DYNC1H1: variants seen among roughly 807,000 people sequenced by gnomAD.
DYNC1H1 encodes the protein cytoplasmic dynein 1 heavy chain 1.
DYNC1H1 carries 51 observed loss-of-function variants against 527.1 expected under a neutral mutation model. The observed-to-expected ratio is 0.10, with a 90% CI of 0.08 to 0.12. The LOEUF is 0.12. Among genes scored for constraint, DYNC1H1 ranks in the 10% least tolerant of loss-of-function variants. The pLI is 1.00. For missense variants in DYNC1H1, 2,771 were observed against 5,971.8 expected (o/e 0.46, Z 17.66); for synonymous variants, 2,189 against 2,278.8 (o/e 0.96, Z 1.12).
rs772237118 is a variant in DYNC1H1 at position 102,010,735 on chromosome 14, C to G, written c.6406-5C>G. Reference sequence around the variant, plus strand: ...GCTGCTCACAGCCCAGCCCTCTCCCCGTAGATTCTGATACAGAGCGTCTGT... The same window carrying G: ...GCTGCTCACAGCCCAGCCCTCTCCCGGTAGATTCTGATACAGAGCGTCTGT... On this transcript the variant is annotated splice_polypyrimidine_tract_variant and splice_region_variant and intron_variant, in intron 31 of 77. Coordinates refer to ENST00000360184, the MANE Select transcript of DYNC1H1 (RefSeq NM_001376.5). The surrounding 1 kb of genome is among the most constrained non-coding windows in gnomAD (Gnocchi z 6.0). The G allele has an allele frequency of 1.9e-6, 3 of 1,612,356 alleles. No homozygotes were observed. The Admixed American group carries it at 5.0e-5, about 27-fold the overall frequency.
At position 102,043,066 on chromosome 14, in the gene DYNC1H1, G is replaced by A. The variant is rs543520914; in HGVS notation, c.12513+318G>A. The A allele has an allele frequency of 1.4e-4, 52 of 381,534 alleles. No individual in the cohort carries two copies. In the East Asian group the frequency reaches 2.7e-3, roughly 20 times the overall value. 23.6% of individuals were successfully genotyped at this position (381,534 alleles called of 1,614,324 possible). Reference sequence around the variant, plus strand: ...GGAGGCTGAGGTGGGCAGATCACTTGAGGTCAGGAGTTCAAGACCAGCATG... The same window carrying A: ...GGAGGCTGAGGTGGGCAGATCACTTAAGGTCAGGAGTTCAAGACCAGCATG... On this transcript the variant is annotated intron_variant, in intron 69 of 77. Coordinates refer to ENST00000360184, the MANE Select transcript of DYNC1H1 (RefSeq NM_001376.5).
chr14:102,034,593 G>C (rs1253516002), intron 56 of DYNC1H1, 141 bp downstream of exon 56: 25 of 1,336,424 alleles, frequency 1.9e-5, no homozygotes, highest in Non-Finnish European at 2.5e-5. Flanking sequence ...GTGCTCCTCT[G>C]ATGGTGGGGC....
chr14:101,996,282 A>G (rs1465670708), intron 15 of DYNC1H1, among the ~76,000 whole-genome samples: 1 of 151,238 alleles, frequency 6.6e-6, no homozygotes, highest in Non-Finnish European at 1.5e-5. Flanking sequence ...GGCGCCCACC[A>G]CCATGCCCGG....
intron 12 of DYNC1H1, 96 bp downstream of exon 12, chr14:101,994,420 C>A: frequency 6.4e-7 from 1 of 1,562,032 alleles, no homozygotes; most frequent in South Asian, 1.1e-5. Flanking sequence ...AAGGTCTTGA[C>A]TGTATGTATG....
In DYNC1H1 at chr14:102,016,161, C is replaced by T; in HGVS notation, c.7473+75C>T. 2 of 1,535,064 alleles carry T rather than the reference C, an allele frequency of 1.3e-6. No homozygotes were observed. Among genetic ancestry groups the T allele is most frequent in the East Asian group, 2.4e-5 (1 of 40,988 alleles). The stretch of plus-strand genomic sequence containing the variant: ...AGGTCTGAGGACCTCTGAAATGCTG[C>T]ACCTGTGGGGATGTGCGCTCTCTCC... On this transcript the variant is annotated intron_variant, in intron 36 of 77. Transcript: ENST00000360184. This position sits in a 1 kb window ranked among gnomAD's most constrained non-coding sequence, Gnocchi z 7.3.
At chr14:101,999,390 G>A (rs534764938) in intron 16 of DYNC1H1, among the ~76,000 whole-genome samples, 87 of 151,898 alleles carry the variant, frequency 5.7e-4, no homozygotes, top group African/African-American at 1.8e-3. Flanking sequence ...CAGTCTCCCC[G>A]CCTTCACCTC....
chr14:101,970,595 G>A (rs1342813775), intron 1 of DYNC1H1, among the ~76,000 whole-genome samples: 1 of 143,412 alleles, frequency 7.0e-6, no homozygotes, highest in African/African-American at 2.6e-5. Flanking sequence ...TGATTCTCCT[G>A]TCTCAGCCTC....
rs939912292 is a variant in DYNC1H1 at position 102,048,245 on chromosome 14, T to G, written c.13218+217T>G. The G allele has an allele frequency of 6.8e-6, 5 of 731,022 alleles. No individual in the cohort carries two copies. The East Asian group carries it at 8.1e-5, about 12-fold the overall frequency. 45.3% of individuals were successfully genotyped at this position (731,022 alleles called of 1,614,324 possible). A position where few individuals can be genotyped will look rare whatever the true frequency, so the allele number is the denominator to read the frequency against. On this transcript the variant is annotated intron_variant, in intron 73 of 77. Coordinates refer to ENST00000360184, the MANE Select transcript of DYNC1H1 (RefSeq NM_001376.5). ...GAAAACACCCTAGAAGATTGTGAGA[T>G]AGGCAGACAGCGCCACAGCGAGCAG...
rs2048246294 is a variant in DYNC1H1, at chr14:102,010,524, T to A, written c.6405+65T>A. 2.5e-6 allele frequency: 4 copies of A among 1,582,372 alleles called. No individual in the cohort carries two copies. The highest frequency in any genetic ancestry group is 3.4e-6 in the Non-Finnish European group (4 of 1,164,040). On this transcript the variant is annotated intron_variant, in intron 31 of 77. Transcript: ENST00000360184. The surrounding 1 kb of genome is among the most constrained non-coding windows in gnomAD (Gnocchi z 6.0). ...TATTTAAATTTACCTTTTTAACATT[T>A]AAGCCATGACTTGTGAGTTCTTCTT...
rs778201178 is a variant in DYNC1H1, at chr14:101,979,538, G to A, written c.518+46G>A. 4 of 1,613,316 alleles carry A rather than the reference G, an allele frequency of 2.5e-6. No homozygotes were observed. The highest frequency in any genetic ancestry group is 2.2e-5 in the East Asian group (1 of 44,880). On this transcript the variant is annotated intron_variant, in intron 3 of 77. Coordinates refer to ENST00000360184, the MANE Select transcript of DYNC1H1 (RefSeq NM_001376.5). The surrounding 1 kb of genome is among the most constrained non-coding windows in gnomAD (Gnocchi z 4.6). Reference sequence around the variant, plus strand: ...GTTATATTTCACTTAATGTTCACAAGATAGTATAGAACTCGGTGTAAAACT... The same window carrying A: ...GTTATATTTCACTTAATGTTCACAAAATAGTATAGAACTCGGTGTAAAACT...
chr14:102,029,961 C>G lies in DYNC1H1; in HGVS notation c.9762+23C>G. 6.2e-7 allele frequency: 1 copy of G among 1,613,842 alleles called. No homozygotes were observed. Among genetic ancestry groups the G allele is most frequent in the Non-Finnish European group, 8.5e-7 (1 of 1,179,992 alleles). On this transcript the variant is annotated intron_variant, in intron 50 of 77. Coordinates refer to ENST00000360184, the MANE Select transcript of DYNC1H1 (RefSeq NM_001376.5). The surrounding 1 kb of genome is among the most constrained non-coding windows in gnomAD (Gnocchi z 5.3). ...AAGGTATGGTGTCAGGGAATTCTGG[C>G]CTGTAAGGACTGAGCATTTTCAGTC...
chr14:102,043,174 T>C, intron 69 of DYNC1H1: 1 of 304,160 alleles, frequency 3.3e-6, no homozygotes, highest in South Asian at 3.0e-5. Flanking sequence ...TCCCAGCTAC[T>C]GGGGAGGCTG....
Position 102,020,013 on chromosome 14 carries a change from A to G in DYNC1H1, c.8464A>G (p.Ile2822Val), listed in dbSNP as rs1207919534. Residue 2822 changes from isoleucine to valine, a missense_variant, in exon 42 of 78, where the codon ATT becomes GTT. This residue lies in a region of DYNC1H1 where 163 missense variants were observed against 346.9 expected (regional missense o/e 0.47). Coordinates refer to ENST00000360184, the MANE Select transcript of DYNC1H1 (RefSeq NM_001376.5). This position sits in a 1 kb window ranked among gnomAD's most constrained non-coding sequence, Gnocchi z 4.3. ...PLETLPVEGL[I>V]RIWAHEALRL... ...GGAGACCCTGCCTGTTGAAGGCCTC[A>G]TTCGGATTTGGGCACATGAAGCTCT... The G allele has an allele frequency of 6.2e-7, 1 of 1,614,204 alleles. No individual in the cohort carries two copies. Among genetic ancestry groups the G allele is most frequent in the Admixed American group, 1.7e-5 (1 of 60,014 alleles).
At position 102,038,798 on chromosome 14, in the gene DYNC1H1, CA is replaced by C. The variant is rs1376324522; in HGVS notation, c.11157del (p.Glu3720LysfsTer34). The C allele has an allele frequency of 6.2e-7, 1 of 1,614,050 alleles. No homozygotes were observed. On this transcript the variant is annotated frameshift_variant, in exon 59 of 78. Coordinates refer to ENST00000360184, the MANE Select transcript of DYNC1H1 (RefSeq NM_001376.5). LOFTEE classifies it high-confidence loss of function. This position sits in a 1 kb window ranked among gnomAD's most constrained non-coding sequence, Gnocchi z 7.2. ...CAGTGTCTAAATGAAGTACTTAAAG[CA>C]GAAAGACCTGATGTGGACGAGAAAC... ...QSQCLNEVLK[A>X]ERPDVDEKRS...
intron 43 of DYNC1H1, among the ~76,000 whole-genome samples, chr14:102,026,225 C>T (rs2048449278): frequency 1.3e-5 from 2 of 152,076 alleles, no homozygotes; most frequent in African/African-American, 4.8e-5. Context: ...ACAATAAGCA[C>T]CTCCCACCAC....
chr14:102,048,257 G>A (rs1595636484), intron 73 of DYNC1H1: 7 of 714,786 alleles, frequency 9.8e-6, no homozygotes, highest in East Asian at 2.7e-5. Context: ...GGCAGACAGC[G>A]CCACAGCGAG....
chr14:102,052,730 C>T lies in DYNC1H1; in HGVS notation c.*2167C>T, dbSNP rs2048828310. ...TGGGAGTGAGGAAGGGCTCGGCGGC[C>T]CTGGGGGTCTGGTCCTCCTCCGCCA... On this transcript the variant is annotated 3_prime_UTR_variant, in exon 78 of 78. Coordinates refer to ENST00000360184, the MANE Select transcript of DYNC1H1 (RefSeq NM_001376.5). 6.6e-6 allele frequency: 1 copy of T among 152,302 alleles called. No homozygotes were observed. The highest frequency in any genetic ancestry group is 1.5e-5 in the Non-Finnish European group (1 of 68,122). 9.4% of individuals were successfully genotyped at this position (152,302 alleles called of 1,614,324 possible).
chr14:102,029,639 A>G lies in DYNC1H1; in HGVS notation c.9569A>G (p.Lys3190Arg). ...CACTATGCCAACCTGTTCCACGAGAAGCGGAGCGAGCTGGAGGAGCAGCAG... is the reference window on the plus strand; with the variant it reads ...CACTATGCCAACCTGTTCCACGAGAGGCGGAGCGAGCTGGAGGAGCAGCAG... ...INHYANLFHEKRSELEEQQMH... is the reference protein window; with the variant it reads ...INHYANLFHERRSELEEQQMH... Residue 3190 changes from lysine (K) to arginine (R), a missense_variant, in exon 49 of 78, where the codon AAG becomes AGG. Lys to Arg is a conservative substitution (Grantham distance 26). Coordinates refer to ENST00000360184, the MANE Select transcript of DYNC1H1 (RefSeq NM_001376.5). The surrounding 1 kb of genome is among the most constrained non-coding windows in gnomAD (Gnocchi z 5.3). 1.2e-6 allele frequency: 2 copies of G among 1,614,222 alleles called. No individual in the cohort carries two copies. Among genetic ancestry groups the G allele is most frequent in the Non-Finnish European group, 1.7e-6 (2 of 1,180,042 alleles).
intron 29 of DYNC1H1, chr14:102,009,505 C>CT (rs34292577): frequency 0.018 from 4,535 of 257,610 alleles, 1 homozygote; most frequent in South Asian, 0.025. Flanking sequence ...GCATTTATTC[C>CT]TTTTTTTTTT....
Sources: allele counts gnomAD v4.1 joint callset (sites outside exome capture counted in the v4.1 genomes callset), GRCh38; gene constraint gnomAD v4.1.1; regional missense constraint gnomAD v4.1.1; non-coding constraint Gnocchi (gnomAD v3.1); transcripts MANE v1.5; gene names NCBI Gene and HGNC (gene_info 2026-07-23, HGNC 2026-07-21).